The following PICK1 variants were observed in gnomAD, a reference collection of about 807,000 sequenced individuals.
The protein encoded by PICK1 is PRKCA-binding protein.
PICK1 carries 23 observed loss-of-function variants against 48.9 expected under a neutral mutation model. The observed-to-expected ratio is 0.47, with a 90% confidence interval of 0.34 to 0.67. The LOEUF (loss-of-function observed/expected upper bound fraction) is 0.67. Among genes scored for constraint, PICK1 ranks in the 30% least tolerant of loss-of-function variants. The pLI, the probability that PICK1 is intolerant of heterozygous loss-of-function variation, is 0.01. For missense variants in PICK1, 423 were observed against 557.1 expected, an observed-to-expected ratio of 0.76 and a Z score of 2.42; for synonymous variants, 217 against 228.2, an observed-to-expected ratio of 0.95 and a Z score of 0.44.
chr22:38,058,069 A>G (rs2085313077), intron 2 of PICK1: 3 of 605,308 alleles, frequency 5.0e-6, no homozygotes, highest in Admixed American at 5.3e-5. Context: ...CACTATTAGC[A>G]TGACTTGGTG....
At chr22:38,063,827 G>A (rs1213253809) in intron 3 of PICK1, among the ~76,000 whole-genome samples, 2 of 151,692 alleles carry the variant, frequency 1.3e-5, no homozygotes, top group Non-Finnish European at 2.9e-5. Context: ...GTTTTTTGTA[G>A]AGACAAGGTT....
chr22:38,066,817 G>C lies in PICK1; in HGVS notation c.283-887G>C, dbSNP rs2085535946. On this transcript the variant is annotated intron_variant, in intron 4 of 12. Coordinates refer to ENST00000356976, the MANE Select transcript of PICK1 (RefSeq NM_012407.4). This position sits in a 1 kb window ranked among gnomAD's most constrained non-coding sequence, Gnocchi z 4.1. ...GCTTTTGGTTTGCAAGGATGAGAGT[G>C]AACACAGCGCCCTCCCGTGCTCAGG... Among the ~76,000 whole-genome samples, 2 of 152,246 alleles carry C rather than the reference G, an allele frequency of 1.3e-5. No individual in the cohort carries two copies. Among genetic ancestry groups the C allele is most frequent in the South Asian group, 4.1e-4 (2 of 4,836 alleles).
chr22:38,071,845 C>A, intron 8 of PICK1, 101 bp downstream of exon 8: 1 of 1,017,052 alleles, frequency 9.8e-7, no homozygotes, highest in Non-Finnish European at 1.6e-6. Context: ...TGACCTCAGG[C>A]TCCCTCTGGG....
At chr22:38,069,431 G>A (rs961146463) in intron 6 of PICK1, among the ~76,000 whole-genome samples, 6 of 152,108 alleles carry the variant, frequency 3.9e-5, no homozygotes, top group East Asian at 3.9e-4. Flanking sequence ...GCACTCTCGC[G>A]GCCCACCTCC....
intron 6 of PICK1, among the ~76,000 whole-genome samples, chr22:38,070,125 A>G (rs1210454462): frequency 6.6e-6 from 1 of 152,160 alleles, no homozygotes; most frequent in Admixed American, 6.5e-5. Context: ...CTCCCTGCCC[A>G]GAGAGGCCTG....
chr22:38,065,156 C>A lies in PICK1; in HGVS notation c.282+26C>A, dbSNP rs753571527. 3.1e-6 allele frequency: 5 copies of A among 1,607,406 alleles called. No homozygotes were observed. The Admixed American group carries it at 8.5e-5, about 27-fold the overall frequency. The stretch of plus-strand genomic sequence containing the variant: ...GTAAGGGCTGCTGCAGAGCAGGTGT[C>A]CAGAGGCAGCAACACATGTTTCTGA... On this transcript the variant is annotated intron_variant, in intron 4 of 12. Transcript: ENST00000356976.
chr22:38,066,843 C>T lies in PICK1; in HGVS notation c.283-861C>T, dbSNP rs2085536566. Among the ~76,000 whole-genome samples, 1 of 152,236 alleles carries T rather than the reference C, an allele frequency of 6.6e-6. No individual in the cohort carries two copies. Among genetic ancestry groups the T allele is most frequent in the Non-Finnish European group, 1.5e-5 (1 of 68,042 alleles). On this transcript the variant is annotated intron_variant, in intron 4 of 12. Coordinates refer to ENST00000356976, the MANE Select transcript of PICK1 (RefSeq NM_012407.4). This position sits in a 1 kb window ranked among gnomAD's most constrained non-coding sequence, Gnocchi z 4.1. Reference sequence around the variant, plus strand: ...AACACAGCGCCCTCCCGTGCTCAGGCAAGTCCTCTTGGGAGAAGCCTTTGT... The same window carrying T: ...AACACAGCGCCCTCCCGTGCTCAGGTAAGTCCTCTTGGGAGAAGCCTTTGT...
At chr22:38,070,777 C>A in intron 6 of PICK1, 61 bp from the exon 7 acceptor site, 1 of 1,465,262 alleles carries the variant, frequency 6.8e-7, no homozygotes, top group Non-Finnish European at 9.6e-7. Context: ...CCCAGCATGG[C>A]CCTGGGCCTC....
At chr22:38,071,627 C>A (rs970433912) in intron 7 of PICK1, 55 bp from the exon 8 acceptor site, 2 of 1,512,840 alleles carry the variant, frequency 1.3e-6, no homozygotes, top group Non-Finnish European at 1.8e-6. Context: ...TTGCCCTGGG[C>A]CAGTGTGGTC....
chr22:38,066,037 C>T lies in PICK1; in HGVS notation c.282+907C>T, dbSNP rs1007805513. On this transcript the variant is annotated intron_variant, in intron 4 of 12. Coordinates refer to ENST00000356976, the MANE Select transcript of PICK1 (RefSeq NM_012407.4). This position sits in a 1 kb window ranked among gnomAD's most constrained non-coding sequence, Gnocchi z 4.1. ...CTCTCCCCTTTATCCTCCTGTCCTG[C>T]TCCTGAGTAGTCCGTGCTTCTCTCC... 2.6e-5 allele frequency among the ~76,000 whole-genome samples: 4 copies of T among 152,200 alleles called. No individual in the cohort carries two copies. The highest frequency in any genetic ancestry group is 2.6e-4 in the Admixed American group (4 of 15,284).
At chr22:38,068,625 CATTACTT>C (rs778478201) in intron 5 of PICK1, among the ~76,000 whole-genome samples, 5 of 152,144 alleles carry the variant, frequency 3.3e-5, no homozygotes, top group Admixed American at 6.5e-5. Context: ...TGATGGTGCC[CATTACTT>C]TCACATAACC....
chr22:38,074,231 A>C lies in PICK1; in HGVS notation c.835-76A>C, dbSNP rs1469300506. On this transcript the variant is annotated intron_variant, in intron 11 of 12. Transcript: ENST00000356976. This position sits in a 1 kb window ranked among gnomAD's most constrained non-coding sequence, Gnocchi z 4.5. ...AGAAATGAGGTCTCAGGAATGAAGAACAGCCGTGGCTTTGAAAGCACAGTG... is the reference window on the plus strand; with the variant it reads ...AGAAATGAGGTCTCAGGAATGAAGACCAGCCGTGGCTTTGAAAGCACAGTG... 2 of 1,535,748 alleles carry C rather than the reference A, an allele frequency of 1.3e-6. No individual in the cohort carries two copies. The highest frequency in any genetic ancestry group is 1.8e-6 in the Non-Finnish European group (2 of 1,113,894).
chr22:38,066,165 T>TA lies in PICK1; in HGVS notation c.282+1042dup, dbSNP rs1052752891. 2.0e-5 allele frequency among the ~76,000 whole-genome samples: 3 copies of TA among 151,882 alleles called. No homozygotes were observed. Among genetic ancestry groups the TA allele is most frequent in the African/African-American group, 7.3e-5 (3 of 41,326 alleles). Reference sequence around the variant, plus strand: ...GGGGCTGGGGCTCAGAGCTCTGTTGTAAAAAAAGGAAGCAGCAAGGTTCAT... The same window carrying TA: ...GGGGCTGGGGCTCAGAGCTCTGTTGTAAAAAAAAGGAAGCAGCAAGGTTCAT... On this transcript the variant is annotated intron_variant, in intron 4 of 12. Coordinates refer to ENST00000356976, the MANE Select transcript of PICK1 (RefSeq NM_012407.4). The surrounding 1 kb of genome is among the most constrained non-coding windows in gnomAD (Gnocchi z 4.1).
chr22:38,074,462 C>A lies in PICK1; in HGVS notation c.979+11C>A, dbSNP rs776160089. The A allele has an allele frequency of 2.7e-5, 43 of 1,612,870 alleles. No individual in the cohort carries two copies. The highest frequency in any genetic ancestry group is 3.4e-5 in the Non-Finnish European group (40 of 1,179,916). On this transcript the variant is annotated intron_variant, in intron 12 of 12. Transcript: ENST00000356976. The surrounding 1 kb of genome is among the most constrained non-coding windows in gnomAD (Gnocchi z 4.5). ...TGGACCAGAAGCACGGTGAGCGCCG[C>A]CCTCCTCCCCGTCCGCTCTCCATTT...
chr22:38,058,574 C>T (rs934281918), intron 2 of PICK1, among the ~76,000 whole-genome samples: 1 of 152,034 alleles, frequency 6.6e-6, no homozygotes, highest in African/African-American at 2.4e-5. Context: ...GGAAGGGGGA[C>T]CTATTTTTAT....
rs1332777737 is a variant in PICK1, at chr22:38,059,216, G to A, written c.42-18G>A. ...TCCTTCTGCCAGGAGAGTCAGCCTAGCTTGCTTTCCTTTCTAGCGGAATCC... is the reference window on the plus strand; with the variant it reads ...TCCTTCTGCCAGGAGAGTCAGCCTAACTTGCTTTCCTTTCTAGCGGAATCC... On this transcript the variant is annotated intron_variant, in intron 2 of 12. Coordinates refer to ENST00000356976, the MANE Select transcript of PICK1 (RefSeq NM_012407.4). 1.3e-6 allele frequency: 2 copies of A among 1,548,698 alleles called. No individual in the cohort carries two copies. The highest frequency in any genetic ancestry group is 2.7e-5 in the African/African-American group (2 of 73,336).
In PICK1 at chr22:38,075,628, C is replaced by G. The variant is rs2085825263; in HGVS notation, c.*496C>G. ...GGCGGCCTTTATTTATTCTGTTCCC[C>G]CAGCTCGGCCACTTCTCTGAAGGAG... is the stretch of plus-strand genomic sequence containing the variant. On this transcript the variant is annotated 3_prime_UTR_variant, in exon 13 of 13. Coordinates refer to ENST00000356976, the MANE Select transcript of PICK1 (RefSeq NM_012407.4). The G allele has an allele frequency of 6.3e-6, 1 of 157,602 alleles. No homozygotes were observed. Among genetic ancestry groups the G allele is most frequent in the Admixed American group, 6.1e-5 (1 of 16,446 alleles). 9.8% of individuals were successfully genotyped at this position (157,602 alleles called of 1,614,324 possible).
chr22:38,067,174 G>A (rs1038428143), intron 4 of PICK1, among the ~76,000 whole-genome samples: 1 of 152,140 alleles, frequency 6.6e-6, no homozygotes, highest in Non-Finnish European at 1.5e-5. Flanking sequence ...TGTGGGCCCG[G>A]TGCCGGCCCT....
Position 38,074,542 on chromosome 22 carries a change from C to T in PICK1, c.979+91C>T. ...GTACTCTCAGGGCCAGGCCACGGCCCAGATGTAAAGCCCCTCCAGGAGCCC... is the reference window on the plus strand; with the variant it reads ...GTACTCTCAGGGCCAGGCCACGGCCTAGATGTAAAGCCCCTCCAGGAGCCC... On this transcript the variant is annotated intron_variant, in intron 12 of 12. Transcript: ENST00000356976. This position sits in a 1 kb window ranked among gnomAD's most constrained non-coding sequence, Gnocchi z 4.5. 1 of 1,529,728 alleles carries T rather than the reference C, an allele frequency of 6.5e-7. No individual in the cohort carries two copies. The highest frequency in any genetic ancestry group is 8.9e-7 in the Non-Finnish European group (1 of 1,121,868). 94.8% of individuals were successfully genotyped at this position (1,529,728 alleles called of 1,614,324 possible). A position where few individuals can be genotyped will look rare whatever the true frequency, so the allele number is the denominator to read the frequency against.
Sources: gnomAD v4.1 joint callset for allele counts (sites outside exome capture counted in the v4.1 genomes callset) on GRCh38, gnomAD v4.1.1 for gene constraint, Gnocchi (gnomAD v3.1) non-coding constraint, MANE v1.5 for transcripts, NCBI Gene and HGNC (gene_info 2026-07-23, HGNC 2026-07-21) for gene names.